INPP4A: variants seen among roughly 807,000 people sequenced by gnomAD.
INPP4A encodes the protein inositol polyphosphate-4-phosphatase, type I, 107kD.
Under a neutral mutation model 119.8 loss-of-function variants are expected in INPP4A, and 33 were observed. The ratio of observed to expected loss-of-function variants is 0.28; its 90% CI spans 0.21 to 0.37. INPP4A has a LOEUF of 0.37. Among genes scored for constraint, INPP4A ranks in the 10% least tolerant of loss-of-function variants. The probability of loss-of-function intolerance (pLI) is 1.00; values close to 1 mark genes in which losing one functional copy is unlikely to be tolerated. For missense variants in INPP4A, 956 were observed against 1,289.9 expected (o/e 0.74, Z 3.97); for synonymous variants, 496 against 500.7 (o/e 0.99, Z 0.12).
intron 1 of INPP4A, among the ~76,000 whole-genome samples, chr2:98,471,969 G>A (rs1358834352): frequency 6.6e-6 from 1 of 152,214 alleles, no homozygotes; most frequent in Non-Finnish European, 1.5e-5. Context: ...GTTGATGCTG[G>A]GAGTGTGCTG....
At chr2:98,548,306 C>G (rs1000312473) in intron 13 of INPP4A, among the ~76,000 whole-genome samples, 5 of 152,170 alleles carry the variant, frequency 3.3e-5, no homozygotes, top group African/African-American at 1.2e-4. Context: ...TAAGACAAAC[C>G]AGGTAACCAG....
intron 23 of INPP4A, among the ~76,000 whole-genome samples, chr2:98,574,067 A>G (rs1026626783): frequency 1.3e-5 from 2 of 152,176 alleles, no homozygotes; most frequent in Non-Finnish European, 2.9e-5. Flanking sequence ...ACAAAGTGAC[A>G]GGAAGTTCGG....
chr2:98,556,090 C>T, intron 16 of INPP4A: 1 of 398,332 alleles, frequency 2.5e-6, no homozygotes, highest in Non-Finnish European at 4.5e-6. Context: ...GGGTTGGGCT[C>T]CTGGGCTTTT....
intron 1 of INPP4A, among the ~76,000 whole-genome samples, chr2:98,514,179 C>A (rs1685664814): frequency 6.6e-6 from 1 of 152,188 alleles, no homozygotes; most frequent in Non-Finnish European, 1.5e-5. Context: ...ACCATGGAGT[C>A]TCCAGAGTGG....
chr2:98,529,039 A>G (rs1688693029), intron 4 of INPP4A, among the ~76,000 whole-genome samples: 1 of 150,742 alleles, frequency 6.6e-6, no homozygotes, highest in Non-Finnish European at 1.5e-5. Context: ...AGATCGCACC[A>G]CTGCACTCCA....
chr2:98,533,468 G>A lies in INPP4A; in HGVS notation c.243G>A (p.Thr81=), dbSNP rs1349295685. 6.2e-6 allele frequency: 10 copies of A among 1,612,700 alleles called. No individual in the cohort carries two copies. The highest frequency in any genetic ancestry group is 6.8e-6 in the Non-Finnish European group (8 of 1,178,966). The change falls in exon 5 of 25, where the codon ACG becomes ACA. Residue 81 remains threonine, a synonymous_variant. Coordinates refer to ENST00000409851, the MANE Select transcript of INPP4A (RefSeq NM_001134225.2). ...CCACCCCTCCTCAGGCATTCTGGAC[G>A]AAGCATGCACAGACGGAGATCATTG... is the stretch of plus-strand genomic sequence containing the variant. ...SVTTPPQAFW[T]KHAQTEIIEG...
At chr2:98,464,361 G>C (rs1256298841) in intron 1 of INPP4A, among the ~76,000 whole-genome samples, 1 of 152,190 alleles carries the variant, frequency 6.6e-6, no homozygotes, top group African/African-American at 2.4e-5. Context: ...TATTGCACAT[G>C]GTGGGTTTCG....
At chr2:98,541,283 C>T (rs1430043804) in intron 10 of INPP4A, among the ~76,000 whole-genome samples, 1 of 151,150 alleles carries the variant, frequency 6.6e-6, no homozygotes, top group Non-Finnish European at 1.5e-5. Flanking sequence ...GCCGAGATCA[C>T]GCCACTGCAC....
intron 1 of INPP4A, among the ~76,000 whole-genome samples, chr2:98,506,387 C>CA (rs1429638670): frequency 6.6e-6 from 1 of 152,242 alleles, no homozygotes; most frequent in Non-Finnish European, 1.5e-5. Flanking sequence ...GCCTGGCTCC[C>CA]AGGCATCAAA....
chr2:98,486,691 G>T (rs1188559333), intron 1 of INPP4A, among the ~76,000 whole-genome samples: 1 of 152,244 alleles, frequency 6.6e-6, no homozygotes, highest in Non-Finnish European at 1.5e-5. Flanking sequence ...TAGAAGGCCA[G>T]ATTACATAAA....
chr2:98,583,316 G>GA (rs1222086834), intron 24 of INPP4A, among the ~76,000 whole-genome samples: 3 of 142,800 alleles, frequency 2.1e-5, no homozygotes, highest in Non-Finnish European at 4.7e-5. Flanking sequence ...AAAAATCAAA[G>GA]AAAAAATGCC....
Position 98,587,864 on chromosome 2 carries a change from G to C in INPP4A, c.*256G>C. On this transcript the variant is annotated 3_prime_UTR_variant, in exon 25 of 25. Coordinates refer to ENST00000409851, the MANE Select transcript of INPP4A (RefSeq NM_001134225.2). ...TGCCTATTTAAATTAAATAGCCTTTGGCTGTAACTACACAGATCTCATCAA... is the reference window on the plus strand; with the variant it reads ...TGCCTATTTAAATTAAATAGCCTTTCGCTGTAACTACACAGATCTCATCAA... 2 of 355,984 alleles carry C rather than the reference G, an allele frequency of 5.6e-6. No individual in the cohort carries two copies. The highest frequency in any genetic ancestry group is 5.0e-6 in the Non-Finnish European group (1 of 198,126). The allele number at this position is 355,984 out of a possible 1,614,324, so 22.1% of individuals were successfully genotyped here. A position where few individuals can be genotyped will look rare whatever the true frequency, so the allele number is the denominator to read the frequency against.
At chr2:98,459,687 C>CA (rs1184173769) in intron 1 of INPP4A, among the ~76,000 whole-genome samples, 6 of 152,220 alleles carry the variant, frequency 3.9e-5, no homozygotes, top group Non-Finnish European at 5.9e-5. Flanking sequence ...AGGGCAGGGA[C>CA]AATAGCTTGG....
At chr2:98,466,729 G>A (rs979178255) in intron 1 of INPP4A, among the ~76,000 whole-genome samples, 4 of 152,200 alleles carry the variant, frequency 2.6e-5, no homozygotes, top group Admixed American at 2.0e-4. Flanking sequence ...GCACTCACAG[G>A]TGATGATGTC....
At chr2:98,548,190 G>A (rs1030442948) in intron 13 of INPP4A, among the ~76,000 whole-genome samples, 2 of 152,162 alleles carry the variant, frequency 1.3e-5, no homozygotes, top group African/African-American at 4.8e-5. Flanking sequence ...GGCTGCCTGG[G>A]TGGGCCCAGA....
chr2:98,546,799 G>A lies in INPP4A; in HGVS notation c.1163+105G>A. ...TGACCGCAAAAACACCCAGCCATCT[G>A]ATCTGCTTTTGCGTGGCAGGAGGAT... On this transcript the variant is annotated intron_variant, in intron 13 of 24. Coordinates refer to ENST00000409851, the MANE Select transcript of INPP4A (RefSeq NM_001134225.2). This position sits in a 1 kb window ranked among gnomAD's most constrained non-coding sequence, Gnocchi z 4.2. 1 of 733,606 alleles carries A rather than the reference G, an allele frequency of 1.4e-6. No individual in the cohort carries two copies. Among genetic ancestry groups the A allele is most frequent in the Non-Finnish European group, 2.4e-6 (1 of 417,432 alleles). 45.4% of individuals were successfully genotyped at this position (733,606 alleles called of 1,614,324 possible). A position where few individuals can be genotyped will look rare whatever the true frequency, so the allele number is the denominator to read the frequency against.
At chr2:98,454,769 G>A (rs2104516330) in intron 1 of INPP4A, among the ~76,000 whole-genome samples, 1 of 116,498 alleles carries the variant, frequency 8.6e-6, no homozygotes, top group South Asian at 3.4e-4. Flanking sequence ...GCGGGGGGTG[G>A]GAGGAGGAAG....
chr2:98,462,216 A>G (rs1053823520), intron 1 of INPP4A, among the ~76,000 whole-genome samples: 3 of 152,234 alleles, frequency 2.0e-5, no homozygotes, highest in Non-Finnish European at 4.4e-5. Flanking sequence ...TGGAAGGCCA[A>G]GGTGGGCGGA....
At chr2:98,507,893 T>C (rs1170772871) in intron 1 of INPP4A, among the ~76,000 whole-genome samples, 1 of 152,118 alleles carries the variant, frequency 6.6e-6, no homozygotes, top group Non-Finnish European at 1.5e-5. Flanking sequence ...TCCTGGCTGC[T>C]CTATATAGTG....
Sources: gnomAD v4.1 joint callset for allele counts (sites outside exome capture counted in the v4.1 genomes callset) on GRCh38, gnomAD v4.1.1 for gene constraint, Gnocchi (gnomAD v3.1) non-coding constraint, MANE v1.5 for transcripts, NCBI Gene and HGNC (gene_info 2026-07-23, HGNC 2026-07-21) for gene names.